The following TRIQK variants were observed in gnomAD, a reference collection of about 807,000 sequenced individuals.
The protein encoded by TRIQK is triple QxxK/R motif containing.
In TRIQK, 10 loss-of-function variants were observed where a neutral mutation model predicts 10.8. That is an observed-to-expected ratio of 0.92 (90% CI 0.57 to 1.57). The LOEUF is 1.57. Ranked by LOEUF, TRIQK falls within the 40% of genes most tolerant of loss-of-function variation. TRIQK has a pLI of 0.00. For missense variants in TRIQK, 107 were observed against 97.7 expected (o/e 1.09, Z -0.40); for synonymous variants, 33 against 33.7 (o/e 0.98, Z 0.07).
chr8:92,916,959 G>A lies in TRIQK; in HGVS notation c.31C>T (p.Leu11Phe), dbSNP rs1297198735. ...TGTTTTCTGTACTGATCAACAGGAA[G>A]TTTTATAGTAGCAGCATCTTTTCTA... MGRKDAATIK[L>F]PVDQYRKQIG... The change falls in exon 3 of 5, where the codon CTT becomes TTT. Residue 11 changes from leucine to phenylalanine, a missense_variant. By Grantham distance (22) the Leu-to-Phe change is conservative (BLOSUM62 0). Transcript: ENST00000521988. 2 of 1,505,512 alleles carry A rather than the reference G, an allele frequency of 1.3e-6. No homozygotes were observed. Among genetic ancestry groups the A allele is most frequent in the Admixed American group, 2.2e-5 (1 of 46,446 alleles). The allele number at this position is 1,505,512 out of a possible 1,614,324, so 93.3% of individuals were successfully genotyped here.
chr8:92,939,818 C>A (rs1417557138), intron 2 of TRIQK, among the ~76,000 whole-genome samples: 1 of 152,146 alleles, frequency 6.6e-6, no homozygotes, highest in Non-Finnish European at 1.5e-5. Flanking sequence ...GGGTACCATA[C>A]CCAGAGGGAA....
chr8:93,017,160 A>ATG, intron 1 of TRIQK, among the ~76,000 whole-genome samples: 1 of 85,620 alleles, frequency 1.2e-5, no homozygotes, highest in African/African-American at 4.9e-5. Context: ...AGAGAGAGAG[A>ATG]GAGAGAGATG....
At chr8:92,974,318 C>T (rs866603893) in intron 1 of TRIQK, 1 of 152,232 alleles carries the variant, frequency 6.6e-6, no homozygotes, top group African/African-American at 2.4e-5. Flanking sequence ...CCGGAGTGAG[C>T]CTTGTACCTT....
At chr8:92,935,580 A>T (rs1810945162) in intron 2 of TRIQK, among the ~76,000 whole-genome samples, 1 of 151,674 alleles carries the variant, frequency 6.6e-6, no homozygotes, top group Admixed American at 6.6e-5. Context: ...AGCCCTTCAA[A>T]TTACAAAAAG....
chr8:92,891,510 C>G (rs918104147), intron 4 of TRIQK, among the ~76,000 whole-genome samples: 1 of 151,816 alleles, frequency 6.6e-6, no homozygotes. Context: ...AGATAAAACA[C>G]TGGTATTCTG....
At chr8:92,887,404 G>A (rs1816542151) in intron 4 of TRIQK, among the ~76,000 whole-genome samples, 1 of 151,282 alleles carries the variant, frequency 6.6e-6, no homozygotes, top group South Asian at 2.1e-4. Context: ...TTTGTGATGT[G>A]ATGTGGATTA....
chr8:92,902,161 T>C (rs1169330558), intron 3 of TRIQK, among the ~76,000 whole-genome samples: 4 of 152,176 alleles, frequency 2.6e-5, no homozygotes, highest in Non-Finnish European at 4.4e-5. Flanking sequence ...GCCAAGGAAT[T>C]GCAGTCCTTG....
At chr8:92,930,644 G>C (rs1031593137) in intron 2 of TRIQK, among the ~76,000 whole-genome samples, 18 of 152,022 alleles carry the variant, frequency 1.2e-4, no homozygotes, top group Non-Finnish European at 1.5e-4. Flanking sequence ...GGGATTCTGA[G>C]GTTCACAAAG....
intron 2 of TRIQK, among the ~76,000 whole-genome samples, chr8:92,918,241 G>A (rs1469325768): frequency 6.6e-6 from 1 of 151,878 alleles, no homozygotes; most frequent in African/African-American, 2.4e-5. Context: ...ATATACCCAG[G>A]AGTAGGATAT....
intron 1 of TRIQK, among the ~76,000 whole-genome samples, chr8:92,964,350 G>A (rs1381141089): frequency 6.6e-6 from 1 of 151,806 alleles, no homozygotes; most frequent in African/African-American, 2.4e-5. Flanking sequence ...TTTTTCTGAG[G>A]AGCAAGTCAA....
intron 1 of TRIQK, among the ~76,000 whole-genome samples, chr8:92,982,181 T>C (rs1397493821): frequency 1.3e-5 from 2 of 151,856 alleles, no homozygotes; most frequent in East Asian, 1.9e-4. Flanking sequence ...GACATCTTTT[T>C]GACAGTTTTT....
chr8:93,012,577 TC>T (rs1382178339), intron 1 of TRIQK, among the ~76,000 whole-genome samples: 2 of 152,206 alleles, frequency 1.3e-5, no homozygotes, highest in Admixed American at 6.5e-5. Context: ...TGCTTTTTTT[TC>T]TTTAATTTTA....
At chr8:92,977,275 T>C (rs1205380297) in intron 1 of TRIQK, among the ~76,000 whole-genome samples, 1 of 152,032 alleles carries the variant, frequency 6.6e-6, no homozygotes, top group Non-Finnish European at 1.5e-5. Context: ...TCAACAGTTT[T>C]CATTTCAGTA....
chr8:92,926,143 T>A (rs1810438432), intron 2 of TRIQK: 1 of 151,714 alleles, frequency 6.6e-6, no homozygotes, highest in South Asian at 2.1e-4. Context: ...TGTGGTTTAT[T>A]CATACAGTGT....
intron 1 of TRIQK, among the ~76,000 whole-genome samples, chr8:93,014,035 T>C (rs900182298): frequency 6.6e-6 from 1 of 152,056 alleles, no homozygotes; most frequent in Non-Finnish European, 1.5e-5. Flanking sequence ...GTTTCACGAG[T>C]AGTCTATGCC....
In TRIQK at chr8:92,885,748, G is replaced by C. The variant is rs1347958131; in HGVS notation, c.*874C>G. 2 of 151,662 alleles carry C rather than the reference G, an allele frequency of 1.3e-5. No individual in the cohort carries two copies. The highest frequency in any genetic ancestry group is 6.6e-5 in the Admixed American group (1 of 15,166). 9.4% of individuals were successfully genotyped at this position (151,662 alleles called of 1,614,324 possible). The stretch of plus-strand genomic sequence containing the variant: ...AAAACAACTGTATTGTTCAGATTTA[G>C]GAGACAACCTAAGAAGATGATTCTG... On this transcript the variant is annotated 3_prime_UTR_variant, in exon 5 of 5. Transcript: ENST00000521988.
intron 1 of TRIQK, among the ~76,000 whole-genome samples, chr8:92,995,224 T>A (rs1172206772): frequency 6.6e-6 from 1 of 152,078 alleles, no homozygotes; most frequent in African/African-American, 2.4e-5. Context: ...TCTCTTATTA[T>A]CTTAATGCCT....
rs569169573 is a variant in TRIQK at position 93,001,375 on chromosome 8, A to T, written c.-181+16234T>A. ...AAACCAAAACAATACTCAAGTATAT[A>T]CCGCCTACAAAAGACTCACTTCATC... On this transcript the variant is annotated intron_variant, in intron 1 of 4. Transcript: ENST00000520686. Among the ~76,000 whole-genome samples, 4 of 152,230 alleles carry T rather than the reference A, an allele frequency of 2.6e-5. No homozygotes were observed. The South Asian group carries it at 8.3e-4, about 32-fold the overall frequency.
rs944726324 is a variant in TRIQK at position 92,939,552 on chromosome 8, CA to C, written c.-22+14853del. Among the ~76,000 whole-genome samples, 325 of 152,226 alleles carry C rather than the reference CA, an allele frequency of 2.1e-3. 4 individuals are homozygous for C. Among genetic ancestry groups the C allele is most frequent in the African/African-American group, 7.6e-3 (316 of 41,548 alleles). ...CAGGAAGGTAAGCAATGGCTCCACA[CA>C]ACCAAAAAGCTCACCCTACAACCTC... On this transcript the variant is annotated intron_variant, in intron 2 of 4. Coordinates refer to ENST00000521988, the MANE Select transcript of TRIQK (RefSeq NM_001171797.2).
Sources: gnomAD v4.1 joint callset for allele counts (sites outside exome capture counted in the v4.1 genomes callset) on GRCh38, gnomAD v4.1.1 for gene constraint, MANE v1.5 for transcripts, NCBI Gene and HGNC (gene_info 2026-07-23, HGNC 2026-07-21) for gene names.